Variants in SH3D19 observed in about 807,000 individuals in gnomAD.
SH3D19 encodes the protein SH3 domain-containing protein 19.
A neutral mutation model predicts 112.1 loss-of-function variants in SH3D19; 58 were observed. That is an observed-to-expected ratio of 0.52 (90% CI 0.42 to 0.64). SH3D19 has a LOEUF of 0.64. Ranked by LOEUF, SH3D19 falls within the 30% of genes least tolerant of loss-of-function variation. The pLI is 0.00. For missense variants in SH3D19, 1,090 were observed against 1,263.4 expected (o/e 0.86, Z 2.08); for synonymous variants, 391 against 448.5 (o/e 0.87, Z 1.62).
At chr4:151,254,186 A>G (rs1414782221) in intron 1 of SH3D19, among the ~76,000 whole-genome samples, 1 of 146,040 alleles carries the variant, frequency 6.8e-6, no homozygotes, top group Non-Finnish European at 1.5e-5. Flanking sequence ...AACTGATCAC[A>G]TATGTTAAAC....
rs17505733 is a variant in SH3D19, at chr4:151,175,603, C to T, written c.601G>A (p.Ala201Thr). 43,818 of 1,316,446 alleles carry T rather than the reference C, an allele frequency of 0.033. 793 individuals are homozygous for T. Among genetic ancestry groups the T allele is most frequent in the Middle Eastern group, 0.052 (184 of 3,526 alleles). 81.5% of individuals were successfully genotyped at this position (1,316,446 alleles called of 1,614,324 possible). Residue 201 changes from alanine (A) to threonine (T), a missense_variant, in exon 7 of 20, where the codon GCA becomes ACA. Physicochemically the swap from Ala to Thr is moderately conservative, Grantham distance 58. Coordinates refer to ENST00000604030, the MANE Select transcript of SH3D19 (RefSeq NM_001378122.1). ...VSSGNLPTNV[A>T]PLIVFDISEE... ...GAAATATCAAAGACGATTAAAGGTGCCACATTTGTTGGAAGATTGCCAGAC... is the reference window on the plus strand; with the variant it reads ...GAAATATCAAAGACGATTAAAGGTGTCACATTTGTTGGAAGATTGCCAGAC...
At chr4:151,291,902 C>A (rs1366954128) in intron 1 of SH3D19, among the ~76,000 whole-genome samples, 1 of 152,142 alleles carries the variant, frequency 6.6e-6, no homozygotes, top group Non-Finnish European at 1.5e-5. Flanking sequence ...TACTCCTCAA[C>A]TGTAACAAGA....
At position 151,176,568 on chromosome 4, in the gene SH3D19, G is replaced by C; in HGVS notation, c.495C>G (p.Asp165Glu). Residue 165 changes from aspartate to glutamate, a missense_variant, in exon 6 of 20, where the codon GAC becomes GAG. Coordinates refer to ENST00000604030, the MANE Select transcript of SH3D19 (RefSeq NM_001378122.1). ...GATCGTTGTCTATTTCTTCTGAAAA[G>C]TCAGTCTGAGTTGCAGAAGTAATAG... The part of the protein sequence containing the change: ...RHTITSATQT[D>E]FSEEIDNDLP... The C allele has an allele frequency of 1.6e-6, 2 of 1,232,148 alleles. No homozygotes were observed. The highest frequency in any genetic ancestry group is 2.0e-6 in the Non-Finnish European group (2 of 987,956). 76.3% of individuals were successfully genotyped at this position (1,232,148 alleles called of 1,614,324 possible).
In SH3D19 at chr4:151,128,302, T is replaced by A; in HGVS notation, c.2797A>T (p.Thr933Ser). ...CEALHSFTAE[T>S]SDDLSFKRGD... ...CTCTTGAATGATAAGTCATCACTGG[T>A]CTCTGCTGTAAAACTGTGAAGAGCT... Residue 933 changes from threonine to serine, a missense_variant, in exon 18 of 20, where the codon ACC becomes TCC. Physicochemically the swap from Thr to Ser is moderately conservative, Grantham distance 58. Transcript: ENST00000604030. 1 of 1,614,106 alleles carries A rather than the reference T, an allele frequency of 6.2e-7. No homozygotes were observed. The highest frequency in any genetic ancestry group is 8.5e-7 in the Non-Finnish European group (1 of 1,179,996).
intron 7 of SH3D19, among the ~76,000 whole-genome samples, chr4:151,167,819 G>C (rs1758346334): frequency 6.6e-6 from 1 of 151,564 alleles, no homozygotes; most frequent in Admixed American, 6.6e-5. Flanking sequence ...CCCCATCTGG[G>C]AAGTAAGGAG....
chr4:151,174,336 A>C (rs896798665), intron 7 of SH3D19, among the ~76,000 whole-genome samples: 14 of 152,144 alleles, frequency 9.2e-5, no homozygotes. Context: ...GAGTAAGGGG[A>C]GCCAGCCCCA....
At chr4:151,298,086 G>A (rs753614627) in intron 1 of SH3D19, among the ~76,000 whole-genome samples, 1 of 151,974 alleles carries the variant, frequency 6.6e-6, no homozygotes, top group Non-Finnish European at 1.5e-5. Context: ...TTCTCCCCTA[G>A]AGTCTACAGA....
At chr4:151,199,391 G>C (rs1764060189) in intron 2 of SH3D19, among the ~76,000 whole-genome samples, 1 of 152,154 alleles carries the variant, frequency 6.6e-6, no homozygotes, top group Admixed American at 6.5e-5. Context: ...GCAGACAGGA[G>C]AGATCCAAGA....
At chr4:151,190,380 T>A (rs770122043) in intron 2 of SH3D19, among the ~76,000 whole-genome samples, 1 of 152,122 alleles carries the variant, frequency 6.6e-6, no homozygotes, top group Non-Finnish European at 1.5e-5. Flanking sequence ...CAAGACACTA[T>A]GGGGAGAATG....
chr4:151,189,484 G>GT (rs1280273276), intron 2 of SH3D19, among the ~76,000 whole-genome samples: 1 of 152,138 alleles, frequency 6.6e-6, no homozygotes, highest in Non-Finnish European at 1.5e-5. Context: ...ATCGTGAATT[G>GT]TAACTCCCAC....
At chr4:151,255,103 G>A (rs1771744037) in intron 1 of SH3D19, among the ~76,000 whole-genome samples, 1 of 151,188 alleles carries the variant, frequency 6.6e-6, no homozygotes, top group African/African-American at 2.4e-5. Context: ...TCCCGGATGG[G>A]GCGGCTGGCC....
At chr4:151,286,292 TAAAC>T (rs1298339017) in intron 1 of SH3D19, among the ~76,000 whole-genome samples, 1 of 91,810 alleles carries the variant, frequency 1.1e-5, no homozygotes, top group Non-Finnish European at 2.4e-5. Context: ...ATAGAGAAAA[TAAAC>T]AAAAGCAAAA....
At chr4:151,267,430 C>T (rs895271257) in intron 1 of SH3D19, among the ~76,000 whole-genome samples, 4 of 152,036 alleles carry the variant, frequency 2.6e-5, no homozygotes, top group African/African-American at 9.7e-5. Flanking sequence ...ACCAAAATAA[C>T]ACTTGCCCTT....
chr4:151,279,866 G>A (rs1186152197), intron 1 of SH3D19: 1 of 1,613,164 alleles, frequency 6.2e-7, no homozygotes, highest in Non-Finnish European at 8.5e-7. Flanking sequence ...GCTGGCCTTG[G>A]CAGGTCAGCC....
At chr4:151,316,023 C>T (rs1006246673) in intron 1 of SH3D19, among the ~76,000 whole-genome samples, 1 of 151,932 alleles carries the variant, frequency 6.6e-6, no homozygotes, top group African/African-American at 2.4e-5. Flanking sequence ...GGAGAGTGGA[C>T]GCCAATGCCA....
At chr4:151,313,019 G>T (rs779120560) in intron 1 of SH3D19, among the ~76,000 whole-genome samples, 1 of 151,544 alleles carries the variant, frequency 6.6e-6, no homozygotes, top group East Asian at 1.9e-4. Context: ...ACCCTGGGAG[G>T]GGGAGGTTGC....
intron 1 of SH3D19, among the ~76,000 whole-genome samples, chr4:151,235,239 C>T (rs1769952922): frequency 1.3e-5 from 2 of 152,130 alleles, no homozygotes; most frequent in African/African-American, 4.8e-5. Context: ...TTCTCTGTGT[C>T]CATGCGTACT....
At chr4:151,254,637 G>A (rs1212352848) in intron 1 of SH3D19, among the ~76,000 whole-genome samples, 1 of 149,546 alleles carries the variant, frequency 6.7e-6, no homozygotes, top group Non-Finnish European at 1.5e-5. Flanking sequence ...CAGGGTTGGG[G>A]GTAAGGTCAC....
At chr4:151,197,201 C>A (rs1420667332) in intron 2 of SH3D19, among the ~76,000 whole-genome samples, 1 of 151,478 alleles carries the variant, frequency 6.6e-6, no homozygotes, top group Admixed American at 6.6e-5. Flanking sequence ...GCAAGACGAT[C>A]TCAAAAAAAA....
Sources: allele counts gnomAD v4.1 joint callset (sites outside exome capture counted in the v4.1 genomes callset), GRCh38; gene constraint gnomAD v4.1.1; transcripts MANE v1.5; gene names NCBI Gene and HGNC (gene_info 2026-07-23, HGNC 2026-07-21).